The following PDK1 variants were observed in gnomAD, a reference collection of about 807,000 sequenced individuals.
The protein encoded by PDK1 is pyruvate dehydrogenase kinase 1, also known as [Pyruvate dehydrogenase (acetyl-transferring)] kinase isozyme 1, mitochondrial.
PDK1 carries 39 observed loss-of-function variants against 54.2 expected under a neutral mutation model. The observed-to-expected ratio is 0.72, with a 90% confidence interval of 0.56 to 0.94. PDK1 has a LOEUF of 0.94. Among genes scored for constraint, PDK1 ranks in the 40% least tolerant of loss-of-function variants. The probability of loss-of-function intolerance (pLI) is 0.00; values close to 1 mark genes in which losing one functional copy is unlikely to be tolerated. For synonymous variants in PDK1, 221 were observed against 207.1 expected (o/e 1.07, Z -0.58); for missense variants, 552 against 566.0 (o/e 0.98, Z 0.25).
chr2:172,721,777 C>T, the PDK1 span, among the ~76,000 whole-genome samples: 6 of 152,182 alleles, frequency 3.9e-5, no homozygotes, highest in African/African-American at 1.4e-4. Context: ...AGGAAAAGGC[C>T]AGGCAATATT....
At chr2:172,595,378 GT>G (rs1001888962) in intron 10 of PDK1, among the ~76,000 whole-genome samples, 2 of 151,836 alleles carry the variant, frequency 1.3e-5, no homozygotes, top group Non-Finnish European at 2.9e-5. Flanking sequence ...CTTGTGATGA[GT>G]TTTTTTTAAA....
the PDK1 span, among the ~76,000 whole-genome samples, chr2:172,632,102 C>A: frequency 1.3e-5 from 2 of 151,778 alleles, no homozygotes; most frequent in Non-Finnish European, 2.9e-5. Context: ...ATGGTGAAAC[C>A]CCGTCTACTA....
the PDK1 span, among the ~76,000 whole-genome samples, chr2:172,719,657 C>A: frequency 6.6e-6 from 1 of 151,482 alleles, no homozygotes; most frequent in Admixed American, 6.6e-5. Context: ...TATATGTTTC[C>A]AATATATGTT....
In PDK1 at chr2:172,586,470, G is replaced by A. The variant is rs544303423; in HGVS notation, c.1056+82G>A. On this transcript the variant is annotated intron_variant, in intron 9 of 10. Transcript: ENST00000282077. ...AGCTGCCAAATAAGTAAGTTAAGCC[G>A]TCATGTAGGGTACTCCACAAGGAAG... 69 of 755,610 alleles carry A rather than the reference G, an allele frequency of 9.1e-5. 1 individual carries two copies. The highest frequency in any genetic ancestry group is 7.5e-4 in the South Asian group (50 of 66,628). 46.8% of individuals were successfully genotyped at this position (755,610 alleles called of 1,614,324 possible).
At chr2:172,710,637 G>A in the PDK1 span, among the ~76,000 whole-genome samples, 1 of 152,236 alleles carries the variant, frequency 6.6e-6, no homozygotes, top group African/African-American at 2.4e-5. Context: ...AGGACTGGCT[G>A]TAAAGGAAAT....
chr2:172,716,316 C>A, the PDK1 span, among the ~76,000 whole-genome samples: 1 of 152,128 alleles, frequency 6.6e-6, no homozygotes, highest in Non-Finnish European at 1.5e-5. Flanking sequence ...ACTGAAATAT[C>A]TGATTAAGTT....
chr2:172,639,351 AG>A, the PDK1 span, among the ~76,000 whole-genome samples: 1 of 152,214 alleles, frequency 6.6e-6, no homozygotes, highest in Non-Finnish European at 1.5e-5. Context: ...CACTCTCCAA[AG>A]GGTCTGGCTA....
downstream of PDK1, among the ~76,000 whole-genome samples, chr2:172,610,207 A>T (rs1691418891): frequency 1.3e-5 from 2 of 151,940 alleles, no homozygotes; most frequent in South Asian, 4.2e-4. Context: ...ATAATATAGG[A>T]TTTCAGGTTT....
the PDK1 span, among the ~76,000 whole-genome samples, chr2:172,662,493 C>CGTGT: frequency 0.012 from 1,777 of 143,570 alleles, 40 homozygotes; most frequent in African/African-American, 0.039. Context: ...TTTTTAAAAT[C>CGTGT]GTGTGTGTGT....
At chr2:172,556,592 C>CG (rs1217491151) in intron 1 of PDK1, 2 of 363,156 alleles carry the variant, frequency 5.5e-6, no homozygotes, top group Non-Finnish European at 9.8e-6. Flanking sequence ...AGCTGGGCCG[C>CG]GGGACGACCT....
the PDK1 span, among the ~76,000 whole-genome samples, chr2:172,613,682 A>T: frequency 5.9e-5 from 9 of 152,186 alleles, no homozygotes; most frequent in African/African-American, 1.9e-4. Context: ...GGTGGTTTTA[A>T]AAACATATTT....
intron 9 of PDK1, among the ~76,000 whole-genome samples, chr2:172,587,209 A>G (rs560933767): frequency 1.4e-4 from 22 of 152,298 alleles, no homozygotes; most frequent in African/African-American, 5.3e-4. Flanking sequence ...TCGCAGTGTT[A>G]CAGTTCTTAA....
the PDK1 span, among the ~76,000 whole-genome samples, chr2:172,717,826 G>C: frequency 6.6e-6 from 1 of 152,120 alleles, no homozygotes; most frequent in African/African-American, 2.4e-5. Context: ...GGCTTTTTTT[G>C]GTTGTCAAAA....
At chr2:172,684,064 A>G in the PDK1 span, among the ~76,000 whole-genome samples, 2 of 152,222 alleles carry the variant, frequency 1.3e-5, no homozygotes, top group East Asian at 3.8e-4. Context: ...TTTGGATTCT[A>G]TTTTTTGATA....
At chr2:172,668,729 C>G in the PDK1 span, among the ~76,000 whole-genome samples, 1 of 147,584 alleles carries the variant, frequency 6.8e-6, no homozygotes, top group East Asian at 2.0e-4. Context: ...GAAGAAATGT[C>G]ATTTTATTTT....
At chr2:172,641,512 G>T in the PDK1 span, among the ~76,000 whole-genome samples, 1 of 150,548 alleles carries the variant, frequency 6.6e-6, no homozygotes, top group African/African-American at 2.4e-5. Flanking sequence ...CACAATCTCG[G>T]CTCACTGCAA....
At chr2:172,715,153 G>C in the PDK1 span, among the ~76,000 whole-genome samples, 1 of 152,288 alleles carries the variant, frequency 6.6e-6, no homozygotes, top group South Asian at 2.1e-4. Context: ...ACTTAGCAGA[G>C]ACACAAACCA....
chr2:172,588,690 T>G (rs1690398132), intron 9 of PDK1, among the ~76,000 whole-genome samples: 1 of 152,204 alleles, frequency 6.6e-6, no homozygotes, highest in East Asian at 1.9e-4. Context: ...CAGCAGGCAG[T>G]AGGGTAGCTG....
chr2:172,560,955 C>G (rs1310539539), intron 2 of PDK1, among the ~76,000 whole-genome samples: 2 of 152,132 alleles, frequency 1.3e-5, no homozygotes, highest in East Asian at 1.9e-4. Flanking sequence ...TTCAAGTTTT[C>G]TTTTTGTAAG....
Sources: gnomAD v4.1 joint callset for allele counts (sites outside exome capture counted in the v4.1 genomes callset) on GRCh38, gnomAD v4.1.1 for gene constraint, MANE v1.5 for transcripts, NCBI Gene and HGNC (gene_info 2026-07-23, HGNC 2026-07-21) for gene names.